The following RPS6KC1 variants were observed in gnomAD, a reference collection of about 807,000 sequenced individuals.
RPS6KC1 encodes the protein inactive ribosomal protein S6 kinase delta-1.
RPS6KC1 carries 54 observed loss-of-function variants against 103.8 expected under a neutral mutation model. That is an observed-to-expected ratio of 0.52 (90% confidence interval 0.42 to 0.65). The LOEUF is 0.65. RPS6KC1 is among the 30% of genes least tolerant of loss of function. The probability of loss-of-function intolerance (pLI) is 0.00; values close to 1 mark genes in which losing one functional copy is unlikely to be tolerated. For synonymous variants in RPS6KC1, 439 were observed against 438.7 expected, an observed-to-expected ratio of 1.00 and a Z score of -0.01; for missense variants, 1,151 against 1,253.8, an observed-to-expected ratio of 0.92 and a Z score of 1.24.
chr1:213,732,935 A>G, the RPS6KC1 span, among the ~76,000 whole-genome samples: 5 of 152,172 alleles, frequency 3.3e-5, 1 homozygote, highest in Admixed American at 3.3e-4. Flanking sequence ...TTCAGTTGAC[A>G]TATGCCCTTC....
At chr1:213,629,912 T>C in the RPS6KC1 span, among the ~76,000 whole-genome samples, 29 of 152,118 alleles carry the variant, frequency 1.9e-4, no homozygotes, top group African/African-American at 6.3e-4. Context: ...AATATTGGCC[T>C]CCACTCTCTT....
At chr1:213,311,224 C>T in the RPS6KC1 span, among the ~76,000 whole-genome samples, 8 of 151,910 alleles carry the variant, frequency 5.3e-5, no homozygotes, top group Admixed American at 2.0e-4. Context: ...CTGCAAGCTC[C>T]GCCTTCCGGG....
chr1:213,763,734 GA>G, the RPS6KC1 span, among the ~76,000 whole-genome samples: 1 of 152,324 alleles, frequency 6.6e-6, no homozygotes, highest in East Asian at 1.9e-4. Flanking sequence ...CTGCCACAAT[GA>G]TTTTCTTCCA....
intron 12 of RPS6KC1, among the ~76,000 whole-genome samples, chr1:213,245,952 A>C (rs2094447519): frequency 6.6e-6 from 1 of 152,222 alleles, no homozygotes; most frequent in African/African-American, 2.4e-5. Flanking sequence ...CCCAAGATTC[A>C]CAAGTTTCTA....
chr1:213,054,252 A>G (rs1383634487), intron 1 of RPS6KC1, among the ~76,000 whole-genome samples: 1 of 152,220 alleles, frequency 6.6e-6, no homozygotes, highest in African/African-American at 2.4e-5. Context: ...ATATATATGC[A>G]TGTTACATAT....
chr1:213,520,310 G>C, the RPS6KC1 span, among the ~76,000 whole-genome samples: 1 of 152,170 alleles, frequency 6.6e-6, no homozygotes, highest in Non-Finnish European at 1.5e-5. Flanking sequence ...AAGAGAGAAT[G>C]AGAGCCAAGC....
chr1:213,828,031 C>T, the RPS6KC1 span, among the ~76,000 whole-genome samples: 1 of 152,056 alleles, frequency 6.6e-6, no homozygotes, highest in African/African-American at 2.4e-5. Flanking sequence ...TTCTAAATAC[C>T]ATTTGGCTTG....
intron 10 of RPS6KC1, among the ~76,000 whole-genome samples, chr1:213,236,160 G>A (rs1392846771): frequency 6.6e-6 from 1 of 152,120 alleles, no homozygotes; most frequent in Admixed American, 6.5e-5. Context: ...AGGTGGAACA[G>A]TTTCACCCCA....
At chr1:213,654,797 A>G in the RPS6KC1 span, among the ~76,000 whole-genome samples, 3 of 152,232 alleles carry the variant, frequency 2.0e-5, no homozygotes, top group Admixed American at 6.5e-5. Context: ...TGATCAGCCT[A>G]TAAGTTTCCA....
At chr1:213,389,505 C>T in the RPS6KC1 span, among the ~76,000 whole-genome samples, 2 of 152,296 alleles carry the variant, frequency 1.3e-5, no homozygotes, top group East Asian at 1.9e-4. Context: ...AAGAGGCTCG[C>T]GTGCACATGC....
chr1:213,679,259 T>C, the RPS6KC1 span, among the ~76,000 whole-genome samples: 1 of 152,186 alleles, frequency 6.6e-6, no homozygotes, highest in Non-Finnish European at 1.5e-5. Flanking sequence ...TTTTGCAAAA[T>C]GGGGATAATA....
At chr1:213,708,156 ATTCT>A in the RPS6KC1 span, among the ~76,000 whole-genome samples, 1 of 152,218 alleles carries the variant, frequency 6.6e-6, no homozygotes, top group South Asian at 2.1e-4. Context: ...CAGGATATTG[ATTCT>A]TTCTATCCAT....
At chr1:213,746,688 G>A in the RPS6KC1 span, among the ~76,000 whole-genome samples, 2 of 152,186 alleles carry the variant, frequency 1.3e-5, no homozygotes, top group Non-Finnish European at 2.9e-5. Context: ...GGTAGCAGGA[G>A]GAGAGAGAAG....
At chr1:213,622,033 C>T in the RPS6KC1 span, among the ~76,000 whole-genome samples, 2 of 152,084 alleles carry the variant, frequency 1.3e-5, no homozygotes, top group Non-Finnish European at 2.9e-5. Context: ...TTGGAGTTCC[C>T]CAACTCTCTC....
intron 4 of RPS6KC1, among the ~76,000 whole-genome samples, chr1:213,111,880 T>C (rs1396061283): frequency 1.3e-5 from 2 of 152,218 alleles, no homozygotes; most frequent in African/African-American, 2.4e-5. Context: ...AGAATAGATA[T>C]TCTTTTTGGA....
chr1:213,431,655 A>ATATG, the RPS6KC1 span, among the ~76,000 whole-genome samples: 1 of 141,540 alleles, frequency 7.1e-6, no homozygotes. Flanking sequence ...GTTTGTGTGT[A>ATATG]TGTGTGTGTG....
At chr1:213,222,997 G>A (rs1339527855) in intron 8 of RPS6KC1, among the ~76,000 whole-genome samples, 2 of 152,112 alleles carry the variant, frequency 1.3e-5, no homozygotes, top group Non-Finnish European at 2.9e-5. Context: ...AAAGTATGTT[G>A]GGAAAAACTT....
the RPS6KC1 span, among the ~76,000 whole-genome samples, chr1:213,463,997 A>G: frequency 2.6e-5 from 4 of 152,298 alleles, no homozygotes; most frequent in Non-Finnish European, 5.9e-5. Context: ...CCTTTAATGT[A>G]CTGATGTGGT....
At chr1:213,792,891 G>A in the RPS6KC1 span, among the ~76,000 whole-genome samples, 2 of 119,986 alleles carry the variant, frequency 1.7e-5, no homozygotes, top group African/African-American at 3.2e-5. Context: ...CAGCACTCCC[G>A]ATATTTTTGC....
Sources: gnomAD v4.1 joint callset for allele counts (sites outside exome capture counted in the v4.1 genomes callset) on GRCh38, gnomAD v4.1.1 for gene constraint, MANE v1.5 for transcripts, NCBI Gene and HGNC (gene_info 2026-07-23, HGNC 2026-07-21) for gene names.